The following SEC61A2 variants were observed in gnomAD, a reference collection of about 807,000 sequenced individuals.
SEC61A2 encodes the protein SEC61 translocon subunit alpha 2.
SEC61A2 carries 28 observed loss-of-function variants against 59.9 expected under a neutral mutation model. The ratio of observed to expected loss-of-function variants is 0.47; its 90% CI spans 0.35 to 0.64. The LOEUF is 0.64. SEC61A2 is among the 30% of genes least tolerant of loss of function. SEC61A2 has a pLI of 0.01. For synonymous variants in SEC61A2, 202 were observed against 214.4 expected (o/e 0.94, Z 0.50); for missense variants, 340 against 585.9 (o/e 0.58, Z 4.33).
chr10:12,158,305 T>A lies in SEC61A2; in HGVS notation c.975+200T>A, dbSNP rs1834453602. The A allele has an allele frequency of 1.8e-6, 1 of 548,778 alleles. No individual in the cohort carries two copies. Among genetic ancestry groups the A allele is most frequent in the Non-Finnish European group, 3.2e-6 (1 of 314,328 alleles). The allele number at this position is 548,778 out of a possible 1,614,324, so 34.0% of individuals were successfully genotyped here. A position where few individuals can be genotyped will look rare whatever the true frequency, so the allele number is the denominator to read the frequency against. On this transcript the variant is annotated intron_variant, in intron 9 of 11. Transcript: ENST00000298428. This position sits in a 1 kb window ranked among gnomAD's most constrained non-coding sequence, Gnocchi z 5.7. ...GATTGCCCAAGCGCTTTTTATTATTTTGCTCTCTAGGAAGCACTTTCACAT... is the reference window on the plus strand; with the variant it reads ...GATTGCCCAAGCGCTTTTTATTATTATGCTCTCTAGGAAGCACTTTCACAT...
chr10:12,136,484 C>G (rs1473583690), intron 3 of SEC61A2, among the ~76,000 whole-genome samples: 1 of 151,926 alleles, frequency 6.6e-6, no homozygotes, highest in East Asian at 1.9e-4. Flanking sequence ...AAGTCTCGCT[C>G]TGTTGCCCAA....
chr10:12,155,678 T>C lies in SEC61A2; in HGVS notation c.463-100T>C. On this transcript the variant is annotated intron_variant, in intron 6 of 11. Transcript: ENST00000298428. This position sits in a 1 kb window ranked among gnomAD's most constrained non-coding sequence, Gnocchi z 4.3. ...TGAGATTGCAACGATCAGGCCTTAA[T>C]ATTCAAAACGCCCCTAGCTTGGAAA... 2.9e-6 allele frequency: 4 copies of C among 1,372,992 alleles called. No individual in the cohort carries two copies. Among genetic ancestry groups the C allele is most frequent in the Non-Finnish European group, 4.1e-6 (4 of 977,912 alleles). The allele number at this position is 1,372,992 out of a possible 1,614,324, so 85.1% of individuals were successfully genotyped here. A position where few individuals can be genotyped will look rare whatever the true frequency, so the allele number is the denominator to read the frequency against.
rs1834612806 is a variant in SEC61A2, at chr10:12,164,401, A to G, written c.1378A>G (p.Ile460Val). The G allele has an allele frequency of 1.2e-6, 2 of 1,614,012 alleles. No homozygotes were observed. The highest frequency in any genetic ancestry group is 1.7e-6 in the Non-Finnish European group (2 of 1,179,972). Reference sequence around the variant, plus strand: ...CACTATTATTTACCAGTATTTTGAAATATTTGTTAAAGAACAGGCCGAAGT... The same window carrying G: ...CACTATTATTTACCAGTATTTTGAAGTATTTGTTAAAGAACAGGCCGAAGT... ...AVTIIYQYFE[I>V]FVKEQAEVGG... The change falls in exon 12 of 12, where the codon ATA becomes GTA. Residue 460 changes from isoleucine (I) to valine (V), a missense_variant. Transcript: ENST00000298428. The surrounding 1 kb of genome is among the most constrained non-coding windows in gnomAD (Gnocchi z 7.3).
At position 12,132,774 on chromosome 10, in the gene SEC61A2, C is replaced by T. The variant is rs532440020; in HGVS notation, c.8-467C>T. On this transcript the variant is annotated intron_variant, in intron 1 of 11. Coordinates refer to ENST00000298428, the MANE Select transcript of SEC61A2 (RefSeq NM_018144.4). ...GAAGGCACCCTCCTGTCTTCCTCCT[C>T]TGATACCTGCTTTCTTCTGTCATGC... 2.0e-5 allele frequency among the ~76,000 whole-genome samples: 3 copies of T among 152,334 alleles called. No individual in the cohort carries two copies. The South Asian group carries it at 6.2e-4, about 32-fold the overall frequency.
In SEC61A2 at chr10:12,145,586, G is replaced by A. The variant is rs1349542842; in HGVS notation, c.220+2391G>A. Among the ~76,000 whole-genome samples, 2 of 152,022 alleles carry A rather than the reference G, an allele frequency of 1.3e-5. No individual in the cohort carries two copies. Among genetic ancestry groups the A allele is most frequent in the African/African-American group, 4.8e-5 (2 of 41,390 alleles). ...TTGAACATTGTTTTCTGTTTTTATG[G>A]AACATTTGTATTTCTTCTATAAGTG... On this transcript the variant is annotated intron_variant, in intron 4 of 11. Transcript: ENST00000298428. The surrounding 1 kb of genome is among the most constrained non-coding windows in gnomAD (Gnocchi z 4.4).
Position 12,129,761 on chromosome 10 carries a change from T to TC in SEC61A2, c.-22dup, listed in dbSNP as rs1292249854. On this transcript the variant is annotated 5_prime_UTR_variant, in exon 1 of 12. Coordinates refer to ENST00000298428, the MANE Select transcript of SEC61A2 (RefSeq NM_018144.4). This position sits in a 1 kb window ranked among gnomAD's most constrained non-coding sequence, Gnocchi z 5.6. ...CGAAGGCAGCGCCGAGGCCGCGGTT[T>TC]CCCCCTGGGCCTCCCCAGCAGCAGC... 7 of 1,489,000 alleles carry TC rather than the reference T, an allele frequency of 4.7e-6. No homozygotes were observed. The highest frequency in any genetic ancestry group is 2.5e-5 in the South Asian group (2 of 79,046). 92.2% of individuals were successfully genotyped at this position (1,489,000 alleles called of 1,614,324 possible).
intron 3 of SEC61A2, among the ~76,000 whole-genome samples, chr10:12,137,949 T>C (rs140195426): frequency 6.6e-6 from 1 of 152,288 alleles, no homozygotes; most frequent in African/African-American, 2.4e-5. Context: ...GAGGTTGCAG[T>C]GAGCTGAGAT....
In SEC61A2 at chr10:12,142,264, A is replaced by T. The variant is rs1324143046; in HGVS notation, c.142-853A>T. ...GCAGAAGTCAACATGGTAGATTAGC[A>T]TCCAAGATGGAGTCACTTTGGTCTC... is the stretch of plus-strand genomic sequence containing the variant. On this transcript the variant is annotated intron_variant, in intron 3 of 11. Transcript: ENST00000298428. The surrounding 1 kb of genome is among the most constrained non-coding windows in gnomAD (Gnocchi z 5.4). 6.6e-6 allele frequency among the ~76,000 whole-genome samples: 1 copy of T among 152,178 alleles called. No individual in the cohort carries two copies. The highest frequency in any genetic ancestry group is 1.9e-4 in the East Asian group (1 of 5,202).
At chr10:12,167,559 C>T (rs1278667737), downstream of SEC61A2, 3 of 707,016 alleles carry the variant, frequency 4.2e-6, no homozygotes, top group Non-Finnish European at 6.9e-6. Context: ...ATTACAATTC[C>T]ATACCACCAC....
At chr10:12,136,035 ACT>A in intron 2 of SEC61A2, 68 bp from the exon 3 acceptor site, 1 of 978,592 alleles carries the variant, frequency 1.0e-6, no homozygotes, top group Non-Finnish European at 1.7e-6. Flanking sequence ...TAACCTCAAA[ACT>A]CTGCTGCCCC....
chr10:12,157,877 T>TC (rs1389920876), intron 8 of SEC61A2, 31 bp from the exon 9 acceptor site: 1 of 1,598,926 alleles, frequency 6.3e-7, no homozygotes, highest in Admixed American at 1.7e-5. Context: ...TGTGTCTGGC[T>TC]CCCCCACTTA....
chr10:12,166,253 C>T (rs1430971513), downstream of SEC61A2: 1 of 153,418 alleles, frequency 6.5e-6, no homozygotes, highest in African/African-American at 2.4e-5. Flanking sequence ...GATGCCTTCT[C>T]TCTTGATTTC....
At chr10:12,134,666 C>T (rs1341718743) in intron 2 of SEC61A2, among the ~76,000 whole-genome samples, 1 of 152,148 alleles carries the variant, frequency 6.6e-6, no homozygotes, top group Non-Finnish European at 1.5e-5. Flanking sequence ...GTGACTCACA[C>T]CTGTAATCCC....
At chr10:12,134,513 C>T (rs914411079) in intron 2 of SEC61A2, among the ~76,000 whole-genome samples, 13 of 152,092 alleles carry the variant, frequency 8.5e-5, no homozygotes, top group Admixed American at 4.6e-4. Flanking sequence ...CATTTAACAC[C>T]GTACAATGCA....
chr10:12,129,871 G>C lies in SEC61A2; in HGVS notation c.7+77G>C, dbSNP rs556738309. The C allele has an allele frequency of 7.2e-5, 91 of 1,263,156 alleles. No individual in the cohort carries two copies. In the East Asian group the frequency reaches 2.8e-3, roughly 39 times the overall value. The allele number at this position is 1,263,156 out of a possible 1,614,324, so 78.2% of individuals were successfully genotyped here. ...CTGGGCTGCGGGCGGTGGGGCTGGC[G>C]CTCGCTCGGAGTCGTGGGGGCCAGG... On this transcript the variant is annotated intron_variant, in intron 1 of 11. Transcript: ENST00000298428. This position sits in a 1 kb window ranked among gnomAD's most constrained non-coding sequence, Gnocchi z 5.6.
rs975280092 is a variant in SEC61A2, at chr10:12,160,693, A to G, written c.976-237A>G. On this transcript the variant is annotated intron_variant, in intron 9 of 11. Coordinates refer to ENST00000298428, the MANE Select transcript of SEC61A2 (RefSeq NM_018144.4). This position sits in a 1 kb window ranked among gnomAD's most constrained non-coding sequence, Gnocchi z 4.1. The stretch of plus-strand genomic sequence containing the variant: ...ATGGAAGATTTTGTAATATATTACA[A>G]TTTTTAAAAATGACTCAATATTTTC... Among the ~76,000 whole-genome samples, 1 of 134,520 alleles carries G rather than the reference A, an allele frequency of 7.4e-6. No homozygotes were observed. Among genetic ancestry groups the G allele is most frequent in the South Asian group, 2.3e-4 (1 of 4,382 alleles). 88.3% of individuals were successfully genotyped at this position (134,520 alleles called of 152,430 possible). A position where few individuals can be genotyped will look rare whatever the true frequency, so the allele number is the denominator to read the frequency against.
intron 3 of SEC61A2, among the ~76,000 whole-genome samples, chr10:12,140,607 A>G (rs1011216182): frequency 2.0e-5 from 3 of 152,044 alleles, no homozygotes; most frequent in Non-Finnish European, 4.4e-5. Flanking sequence ...CACTTGTGGA[A>G]TATTTTGAGA....
At chr10:12,157,292 C>T (rs1048071898) in intron 8 of SEC61A2, among the ~76,000 whole-genome samples, 10 of 152,064 alleles carry the variant, frequency 6.6e-5, no homozygotes, top group African/African-American at 9.7e-5. Flanking sequence ...AGCAGACTCT[C>T]GACAGTTTAA....
intron 6 of SEC61A2, among the ~76,000 whole-genome samples, chr10:12,151,896 C>T (rs1017111025): frequency 4.6e-5 from 7 of 152,106 alleles, no homozygotes; most frequent in Non-Finnish European, 2.9e-5. Flanking sequence ...CCTCAGCCTC[C>T]CAAAGTGCTG....
Sources: gnomAD v4.1 joint callset for allele counts (sites outside exome capture counted in the v4.1 genomes callset) on GRCh38, gnomAD v4.1.1 for gene constraint, Gnocchi (gnomAD v3.1) non-coding constraint, MANE v1.5 for transcripts, NCBI Gene and HGNC (gene_info 2026-07-23, HGNC 2026-07-21) for gene names.